SLC25A21: variants seen among roughly 807,000 people sequenced by gnomAD.
The protein encoded by SLC25A21 is solute carrier family 25 member 21.
In SLC25A21, 47 loss-of-function variants were observed where a neutral mutation model predicts 43.8. The ratio of observed to expected loss-of-function variants is 1.07; its 90% CI spans 0.85 to 1.37. The LOEUF is 1.37. SLC25A21 is among the 40% of genes most tolerant of loss of function. SLC25A21 has a pLI of 0.00. For synonymous variants in SLC25A21, 131 were observed against 121.3 expected (o/e 1.08, Z -0.52); for missense variants, 352 against 350.2 (o/e 1.00, Z -0.04).
chr14:36,714,994 T>C (rs1157200913), intron 6 of SLC25A21, among the ~76,000 whole-genome samples: 1 of 152,176 alleles, frequency 6.6e-6, no homozygotes, highest in Non-Finnish European at 1.5e-5. Context: ...AAACCAAAGA[T>C]TGTTAGGCAA....
Position 36,679,755 on chromosome 14 carries a change from A to AAC in SLC25A21, c.*902_*903insGT. 2 of 985,444 alleles carry AAC rather than the reference A, an allele frequency of 2.0e-6. No individual in the cohort carries two copies. The highest frequency in any genetic ancestry group is 2.4e-6 in the Non-Finnish European group (2 of 829,920). The allele number at this position is 985,444 out of a possible 1,614,324, so 61.0% of individuals were successfully genotyped here. A position where few individuals can be genotyped will look rare whatever the true frequency, so the allele number is the denominator to read the frequency against. On this transcript the variant is annotated 3_prime_UTR_variant, in exon 10 of 10. Transcript: ENST00000331299. ...AAAAATGGCACAGGTAGGCATGCTG[A>AAC]ATAAAGGTATTTGGATGCAAATACT... is the stretch of plus-strand genomic sequence containing the variant.
At chr14:36,977,194 A>G (rs562751179) in intron 1 of SLC25A21, among the ~76,000 whole-genome samples, 1 of 152,114 alleles carries the variant, frequency 6.6e-6, no homozygotes, top group Non-Finnish European at 1.5e-5. Context: ...CTGGGGATCT[A>G]TGGCCTAATC....
chr14:36,839,975 A>G (rs1333157134), intron 2 of SLC25A21, among the ~76,000 whole-genome samples: 1 of 152,196 alleles, frequency 6.6e-6, no homozygotes, highest in Admixed American at 6.5e-5. Context: ...TGACCAAAAC[A>G]TTGCATGACT....
chr14:36,730,525 A>G (rs1001978127), intron 4 of SLC25A21, among the ~76,000 whole-genome samples: 3 of 152,210 alleles, frequency 2.0e-5, no homozygotes, highest in Non-Finnish European at 2.9e-5. Flanking sequence ...ATGGGGCAAG[A>G]AAGCAAAACC....
chr14:37,019,817 T>C (rs908772560), intron 1 of SLC25A21, among the ~76,000 whole-genome samples: 8 of 151,784 alleles, frequency 5.3e-5, no homozygotes, highest in African/African-American at 9.7e-5. Flanking sequence ...AAGGAGGCTT[T>C]GATCATCCTT....
At chr14:37,149,550 C>G (rs933601352) in intron 1 of SLC25A21, among the ~76,000 whole-genome samples, 2 of 152,024 alleles carry the variant, frequency 1.3e-5, no homozygotes, top group Non-Finnish European at 2.9e-5. Flanking sequence ...CAAAAATTAG[C>G]TGGGCATGGT....
At chr14:36,728,004 C>A (rs1346131517) in intron 5 of SLC25A21, among the ~76,000 whole-genome samples, 1 of 152,128 alleles carries the variant, frequency 6.6e-6, no homozygotes, top group Non-Finnish European at 1.5e-5. Flanking sequence ...TAAAACTCAG[C>A]TACATTTGCT....
chr14:36,943,031 G>A (rs190046150), intron 1 of SLC25A21, among the ~76,000 whole-genome samples: 4 of 152,260 alleles, frequency 2.6e-5, no homozygotes, highest in South Asian at 2.1e-4. Flanking sequence ...AGTCAGAAAC[G>A]CAAATCTGAG....
chr14:36,957,859 A>G (rs907647297), intron 1 of SLC25A21, among the ~76,000 whole-genome samples: 1 of 152,220 alleles, frequency 6.6e-6, no homozygotes, highest in African/African-American at 2.4e-5. Flanking sequence ...ACTTGTTCTT[A>G]TAATGATATT....
intron 7 of SLC25A21, among the ~76,000 whole-genome samples, chr14:36,699,034 T>C (rs1364484937): frequency 6.6e-6 from 1 of 152,144 alleles, no homozygotes; most frequent in East Asian, 1.9e-4. Context: ...TTTTCTGATC[T>C]GGTTTCTCCC....
intron 1 of SLC25A21, among the ~76,000 whole-genome samples, chr14:37,056,306 C>T (rs541013990): frequency 4.6e-5 from 7 of 152,032 alleles, no homozygotes; most frequent in East Asian, 1.9e-4. Context: ...CTGGCTAACA[C>T]AGTGAAACCC....
intron 1 of SLC25A21, among the ~76,000 whole-genome samples, chr14:37,095,272 C>T (rs974328593): frequency 3.9e-5 from 6 of 151,934 alleles, no homozygotes; most frequent in Admixed American, 2.0e-4. Flanking sequence ...AATCCTGGCA[C>T]GGTGGGAGGC....
At chr14:37,058,970 C>T (rs1432457939) in intron 1 of SLC25A21, among the ~76,000 whole-genome samples, 2 of 152,204 alleles carry the variant, frequency 1.3e-5, no homozygotes, top group Non-Finnish European at 2.9e-5. Flanking sequence ...TCCATGAAGA[C>T]TTCCATGTCC....
At chr14:36,792,636 T>G (rs1240299952) in intron 3 of SLC25A21, among the ~76,000 whole-genome samples, 2 of 152,160 alleles carry the variant, frequency 1.3e-5, no homozygotes, top group East Asian at 3.8e-4. Flanking sequence ...AATCTCAAAT[T>G]GCACACATTA....
At chr14:36,686,569 A>G (rs567200705) in intron 7 of SLC25A21, among the ~76,000 whole-genome samples, 17 of 152,324 alleles carry the variant, frequency 1.1e-4, no homozygotes, top group African/African-American at 3.8e-4. Flanking sequence ...TCTGAGAAAT[A>G]AAAACAATAA....
chr14:36,921,345 T>C (rs1337977862), intron 1 of SLC25A21, among the ~76,000 whole-genome samples: 1 of 152,124 alleles, frequency 6.6e-6, no homozygotes, highest in East Asian at 1.9e-4. Flanking sequence ...ATTGAGCACT[T>C]TGTACATAAA....
At chr14:37,114,749 T>A (rs1484200820) in intron 1 of SLC25A21, among the ~76,000 whole-genome samples, 1 of 152,116 alleles carries the variant, frequency 6.6e-6, no homozygotes, top group African/African-American at 2.4e-5. Context: ...TTTGTCAGAC[T>A]CTTCTGCAAA....
rs1192410091 is a variant in SLC25A21, at chr14:37,088,429, T to G, written c.70+83852A>C. ...TTAAAGAGACTACAAAAACCTCAGT[T>G]TTAATACTCACAGGTTTTTATTATG... On this transcript the variant is annotated intron_variant, in intron 1 of 9. Coordinates refer to ENST00000331299, the MANE Select transcript of SLC25A21 (RefSeq NM_030631.4). Among the ~76,000 whole-genome samples the G allele has an allele frequency of 3.3e-5, 5 of 152,236 alleles. No individual in the cohort carries two copies. The East Asian group carries it at 9.6e-4, about 29-fold the overall frequency.
At chr14:36,788,473 G>T (rs1305904977) in intron 3 of SLC25A21, among the ~76,000 whole-genome samples, 1 of 150,046 alleles carries the variant, frequency 6.7e-6, no homozygotes, top group Non-Finnish European at 1.5e-5. Flanking sequence ...AGGCGGCTGG[G>T]TACGCCATTT....
Sources: allele counts gnomAD v4.1 joint callset (sites outside exome capture counted in the v4.1 genomes callset), GRCh38; gene constraint gnomAD v4.1.1; transcripts MANE v1.5; gene names NCBI Gene and HGNC (gene_info 2026-07-23, HGNC 2026-07-21).